SYT7: variants seen among roughly 807,000 people sequenced by gnomAD.
SYT7 encodes synaptotagmin-7.
In SYT7, 29 loss-of-function variants were observed where a neutral mutation model predicts 75.1. The ratio of observed to expected loss-of-function variants is 0.39; its 90% CI spans 0.29 to 0.53. SYT7 has a LOEUF of 0.53. Among genes scored for constraint, SYT7 ranks in the 20% least tolerant of loss-of-function variants. The pLI is 0.77. For synonymous variants in SYT7, 376 were observed against 401.7 expected, an observed-to-expected ratio of 0.94 and a Z score of 0.76; for missense variants, 693 against 953.2, an observed-to-expected ratio of 0.73 and a Z score of 3.59.
chr11:61,527,822 T>C, intron 9 of SYT7, 93 bp downstream of exon 9: 1 of 1,469,080 alleles, frequency 6.8e-7, no homozygotes, highest in Non-Finnish European at 9.3e-7. Flanking sequence ...TGTACACATA[T>C]GTGTCTGTGC....
In SYT7 at chr11:61,518,567, A is replaced by G. The variant is rs2062208698; in HGVS notation, c.*60T>C. 6.4e-6 allele frequency: 8 copies of G among 1,259,180 alleles called. No individual in the cohort carries two copies. In the South Asian group the frequency reaches 1.2e-4, roughly 19 times the overall value. 78.0% of individuals were successfully genotyped at this position (1,259,180 alleles called of 1,614,324 possible). A position where few individuals can be genotyped will look rare whatever the true frequency, so the allele number is the denominator to read the frequency against. Reference sequence around the variant, plus strand: ...GGCTCAGGCCGGGCGTTGTGCATAAAGTGGTGAGGGCATGATGGGGACCTG... The same window carrying G: ...GGCTCAGGCCGGGCGTTGTGCATAAGGTGGTGAGGGCATGATGGGGACCTG... On this transcript the variant is annotated 3_prime_UTR_variant, in exon 13 of 13. Transcript: ENST00000539008.
intron 9 of SYT7, chr11:61,526,410 C>T (rs2062518190): frequency 6.6e-6 from 1 of 152,240 alleles, no homozygotes; most frequent in South Asian, 2.1e-4. Context: ...AACTCCTACT[C>T]ATCCATCAGA....
chr11:61,564,592 A>T (rs989676911), intron 1 of SYT7, among the ~76,000 whole-genome samples: 2 of 152,164 alleles, frequency 1.3e-5, no homozygotes, highest in African/African-American at 4.8e-5. Context: ...GGTCTATAAG[A>T]CCTCAAACCC....
chr11:61,527,882 G>T, intron 9 of SYT7, 33 bp downstream of exon 9: 1 of 1,609,098 alleles, frequency 6.2e-7, no homozygotes, highest in South Asian at 1.1e-5. Flanking sequence ...AGCAAGAGGT[G>T]ACCATGGCGG....
chr11:61,539,735 C>T (rs1161966536), intron 6 of SYT7: 1 of 152,008 alleles, frequency 6.6e-6, no homozygotes, highest in Non-Finnish European at 1.5e-5. Flanking sequence ...AGGTGAGGGG[C>T]GAGGGCACGA....
intron 3 of SYT7, among the ~76,000 whole-genome samples, chr11:61,548,651 A>G (rs1371353993): frequency 6.6e-6 from 1 of 152,128 alleles, no homozygotes; most frequent in East Asian, 1.9e-4. Context: ...CAGTGTGGGG[A>G]AGGGTGCCAG....
At chr11:61,558,087 T>C (rs528700265) in intron 1 of SYT7, among the ~76,000 whole-genome samples, 1 of 152,340 alleles carries the variant, frequency 6.6e-6, no homozygotes, top group East Asian at 1.9e-4. Context: ...GAGCCCACAC[T>C]TTCCTTTGTT....
upstream of SYT7, among the ~76,000 whole-genome samples, chr11:61,581,407 G>A (rs1426678274): frequency 1.3e-5 from 2 of 152,064 alleles, no homozygotes; most frequent in South Asian, 2.1e-4. Context: ...CCCGATGGCC[G>A]CGGCCTGGCA....
Position 61,523,182 on chromosome 11 carries a change from T to G in SYT7, c.1849A>C (p.Asn617His), listed in dbSNP as rs1232030208. The G allele has an allele frequency of 6.2e-7, 1 of 1,614,220 alleles. No individual in the cohort carries two copies. Among genetic ancestry groups the G allele is most frequent in the Admixed American group, 1.7e-5 (1 of 60,022 alleles). The change falls in exon 12 of 13, where the codon AAT (asparagine) becomes CAT (histidine). Residue 617 changes from asparagine to histidine, a missense_variant. Physicochemically the swap from Asn to His is moderately conservative, Grantham distance 68. Coordinates refer to ENST00000539008, the MANE Select transcript of SYT7 (RefSeq NM_001365809.2). This position sits in a 1 kb window ranked among gnomAD's most constrained non-coding sequence, Gnocchi z 5.0. ...GGGATATCGAAGGCGAAGGACTCAT[T>G]GAAGATGGGGTTCAGGTTCCTCTTC... The part of the protein sequence containing the change: ...TMKRNLNPIF[N>H]ESFAFDIPTE...
chr11:61,529,319 C>G (rs2062628839), intron 8 of SYT7, among the ~76,000 whole-genome samples: 1 of 152,228 alleles, frequency 6.6e-6, no homozygotes, highest in Admixed American at 6.5e-5. Context: ...CTCTGAAAGA[C>G]TAAATAATAC....
At chr11:61,541,273 G>T in intron 6 of SYT7, 2 of 985,560 alleles carry the variant, frequency 2.0e-6, no homozygotes, top group Non-Finnish European at 2.4e-6. Flanking sequence ...GGGAAGACCT[G>T]GGCGATGGGA....
In SYT7 at chr11:61,546,588, G is replaced by A; in HGVS notation, c.348-333C>T. 2.2e-6 allele frequency: 1 copy of A among 454,676 alleles called. No individual in the cohort carries two copies. The highest frequency in any genetic ancestry group is 4.4e-6 in the Non-Finnish European group (1 of 229,656). 28.2% of individuals were successfully genotyped at this position (454,676 alleles called of 1,614,324 possible). On this transcript the variant is annotated intron_variant, in intron 4 of 12. Coordinates refer to ENST00000539008, the MANE Select transcript of SYT7 (RefSeq NM_001365809.2). The surrounding 1 kb of genome is among the most constrained non-coding windows in gnomAD (Gnocchi z 7.6). The stretch of plus-strand genomic sequence containing the variant: ...ACCGCCTGGGGCAGGGGCGGCGGGG[G>A]TTGGGGGAGGGCAGCCACCTCCAAC...
chr11:61,549,912 C>T (rs1271068413), intron 3 of SYT7, among the ~76,000 whole-genome samples: 1 of 152,008 alleles, frequency 6.6e-6, no homozygotes, highest in Non-Finnish European at 1.5e-5. Context: ...GGCCCTGCCA[C>T]ACGCACCCCT....
the SYT7 span, among the ~76,000 whole-genome samples, chr11:61,586,454 T>G: frequency 6.6e-6 from 1 of 152,192 alleles, no homozygotes; most frequent in South Asian, 2.1e-4. Context: ...TGCTGATTAC[T>G]AGGTGAGTGA....
intron 6 of SYT7, among the ~76,000 whole-genome samples, chr11:61,541,799 A>G (rs1278117823): frequency 2.6e-5 from 4 of 152,184 alleles, no homozygotes; most frequent in Non-Finnish European, 4.4e-5. Flanking sequence ...GGGAGGAGGC[A>G]GGGCTGGAGA....
chr11:61,535,686 C>T (rs1019827230), intron 7 of SYT7, among the ~76,000 whole-genome samples: 4 of 152,120 alleles, frequency 2.6e-5, no homozygotes, highest in African/African-American at 9.7e-5. Flanking sequence ...CACACTCCCA[C>T]GCTGCTTGGA....
chr11:61,584,088 A>G (rs1341856726), upstream of SYT7, among the ~76,000 whole-genome samples: 4 of 152,050 alleles, frequency 2.6e-5, no homozygotes, highest in Non-Finnish European at 4.4e-5. Context: ...AAATCAAATC[A>G]CTTAAAATGA....
intron 7 of SYT7, 90 bp downstream of exon 7, chr11:61,538,054 C>T (rs2062920439): frequency 7.3e-6 from 11 of 1,500,490 alleles, no homozygotes; most frequent in African/African-American, 4.2e-5. Context: ...ACCACCACCT[C>T]GTCCAGCAGC....
intron 1 of SYT7, among the ~76,000 whole-genome samples, chr11:61,569,697 T>C (rs1487842809): frequency 6.6e-6 from 1 of 150,592 alleles, no homozygotes; most frequent in Non-Finnish European, 1.5e-5. Flanking sequence ...ACTGGAAGAC[T>C]CCAGGAAAGG....
Sources: allele counts gnomAD v4.1 joint callset (sites outside exome capture counted in the v4.1 genomes callset), GRCh38; gene constraint gnomAD v4.1.1; non-coding constraint Gnocchi (gnomAD v3.1); transcripts MANE v1.5; gene names NCBI Gene and HGNC (gene_info 2026-07-23, HGNC 2026-07-21).